Variants in EPHB2 observed in about 807,000 individuals in gnomAD.
The protein encoded by EPHB2 is EPH receptor B2.
A neutral mutation model predicts 96.4 loss-of-function variants in EPHB2; 18 were observed. The observed-to-expected ratio is 0.19, with a 90% confidence interval of 0.13 to 0.28. The LOEUF is 0.28. Ranked by LOEUF, EPHB2 falls within the 10% of genes least tolerant of loss-of-function variation. The pLI, the probability that EPHB2 is intolerant of heterozygous loss-of-function variation, is 1.00. For synonymous variants in EPHB2, 506 were observed against 534.1 expected (o/e 0.95, Z 0.72); for missense variants, 989 against 1,355.4 (o/e 0.73, Z 4.25).
rs541322987 is a variant in EPHB2, at chr1:22,711,495, C to T, written c.61+452C>T. On this transcript the variant is annotated intron_variant, in intron 1 of 15. Coordinates refer to ENST00000374630, the MANE Select transcript of EPHB2 (RefSeq NM_017449.5). Reference sequence around the variant, plus strand: ...AGGGAGCAGAGGGAGGGAGGCACCGCGGCCGGCCGGGGTGGGGGCTCCCGG... The same window carrying T: ...AGGGAGCAGAGGGAGGGAGGCACCGTGGCCGGCCGGGGTGGGGGCTCCCGG... Among the ~76,000 whole-genome samples, 326 of 150,986 alleles carry T rather than the reference C, an allele frequency of 2.2e-3. 2 individuals are homozygous for T. Among genetic ancestry groups the T allele is most frequent in the South Asian group, 0.011 (54 of 4,786 alleles).
At chr1:22,813,746 A>C (rs1165237951) in intron 3 of EPHB2, among the ~76,000 whole-genome samples, 1 of 152,216 alleles carries the variant, frequency 6.6e-6, no homozygotes, top group Non-Finnish European at 1.5e-5. Context: ...GGCTACAATG[A>C]GAGAAGTTAG....
At chr1:22,731,704 G>T (rs1441593194) in intron 1 of EPHB2, among the ~76,000 whole-genome samples, 1 of 152,166 alleles carries the variant, frequency 6.6e-6, no homozygotes, top group Non-Finnish European at 1.5e-5. Context: ...GCCAGGCGTG[G>T]TGGCGCGCAT....
intron 5 of EPHB2, among the ~76,000 whole-genome samples, chr1:22,873,205 G>A (rs1047564139): frequency 7.2e-5 from 11 of 152,230 alleles, no homozygotes; most frequent in African/African-American, 2.2e-4. Flanking sequence ...TGGTCTTGGC[G>A]AGGTGCATTC....
At chr1:22,762,682 T>C (rs1644251718) in intron 1 of EPHB2, among the ~76,000 whole-genome samples, 1 of 152,134 alleles carries the variant, frequency 6.6e-6, no homozygotes, top group Admixed American at 6.5e-5. Context: ...AGGGGATGTG[T>C]CAGAGGACAA....
At position 22,913,540 on chromosome 1, in the gene EPHB2, G is replaced by T. The variant is rs1640178210; in HGVS notation, c.2931G>T (p.Gln977His). Residue 977 changes from glutamine (Q) to histidine (H), a missense_variant, in exon 16 of 16, where the codon CAG (glutamine) becomes CAT (histidine). Coordinates refer to ENST00000374630, the MANE Select transcript of EPHB2 (RefSeq NM_017449.5). The surrounding 1 kb of genome is among the most constrained non-coding windows in gnomAD (Gnocchi z 4.1). ...ACAGTATCCAGGTGATGCGGGCGCAGATGAACCAGATTCAGTCTGTGGAGG... is the reference window on the plus strand; with the variant it reads ...ACAGTATCCAGGTGATGCGGGCGCATATGAACCAGATTCAGTCTGTGGAGG... ...ILNSIQVMRA[Q>H]MNQIQSVEV 1.2e-6 allele frequency: 2 copies of T among 1,614,104 alleles called. No homozygotes were observed. Among genetic ancestry groups the T allele is most frequent in the Non-Finnish European group, 8.5e-7 (1 of 1,180,044 alleles).
chr1:22,837,967 G>A (rs1204967676), intron 3 of EPHB2, among the ~76,000 whole-genome samples: 3 of 152,324 alleles, frequency 2.0e-5, no homozygotes, highest in East Asian at 3.9e-4. Flanking sequence ...TGGCCTCAAG[G>A]AATAGGGGAG....
At chr1:22,779,722 A>AT (rs1239031869) in intron 1 of EPHB2, among the ~76,000 whole-genome samples, 2 of 152,328 alleles carry the variant, frequency 1.3e-5, no homozygotes, top group East Asian at 1.9e-4. Context: ...GCCCCTTCCC[A>AT]TCCCTGTGCT....
intron 6 of EPHB2, chr1:22,891,192 G>A: frequency 4.4e-6 from 2 of 456,058 alleles, no homozygotes; most frequent in Non-Finnish European, 8.8e-6. Context: ...ACTAGAGCCA[G>A]GATTTGAACC....
At chr1:22,767,465 C>T (rs754836626) in intron 1 of EPHB2, among the ~76,000 whole-genome samples, 2 of 152,240 alleles carry the variant, frequency 1.3e-5, no homozygotes, top group Non-Finnish European at 2.9e-5. Flanking sequence ...TACTTGTTCT[C>T]TCTGTGCCTT....
At chr1:22,775,203 T>A (rs1284037001) in intron 1 of EPHB2, 1 of 779,818 alleles carries the variant, frequency 1.3e-6, no homozygotes, top group African/African-American at 1.7e-5. Context: ...AATAGATGGA[T>A]GTGGGTTCCA....
At chr1:22,912,237 C>T (rs962491032) in intron 14 of EPHB2, among the ~76,000 whole-genome samples, 2 of 152,218 alleles carry the variant, frequency 1.3e-5, no homozygotes, top group African/African-American at 4.8e-5. Flanking sequence ...CTCTCGCATG[C>T]TCACATATAT....
intron 1 of EPHB2, among the ~76,000 whole-genome samples, chr1:22,727,691 T>C (rs1643611426): frequency 6.6e-6 from 1 of 151,756 alleles, no homozygotes; most frequent in South Asian, 2.1e-4. Context: ...GGAGATAAGT[T>C]GGTGTCTCCC....
chr1:22,782,615 C>T (rs955768146), intron 2 of EPHB2, among the ~76,000 whole-genome samples: 5 of 152,112 alleles, frequency 3.3e-5, no homozygotes, highest in Non-Finnish European at 1.5e-5. Context: ...TGCAGGGCCC[C>T]CGGACGCAAT....
At chr1:22,863,578 G>T (rs554855692) in intron 4 of EPHB2, among the ~76,000 whole-genome samples, 1 of 152,236 alleles carries the variant, frequency 6.6e-6, no homozygotes, top group Non-Finnish European at 1.5e-5. Flanking sequence ...CTCTAGGAAG[G>T]CACTGCCTGA....
intron 1 of EPHB2, among the ~76,000 whole-genome samples, chr1:22,732,371 T>G (rs1455722129): frequency 6.6e-6 from 1 of 150,912 alleles, no homozygotes; most frequent in Non-Finnish European, 1.5e-5. Context: ...GCAGCAGGGT[T>G]TGGGGAAGCG....
chr1:22,844,479 G>A (rs987125671), intron 3 of EPHB2, among the ~76,000 whole-genome samples: 5 of 152,230 alleles, frequency 3.3e-5, no homozygotes, highest in Non-Finnish European at 5.9e-5. Context: ...AGTGAGAGGG[G>A]TCTTAGGGGT....
At chr1:22,901,804 C>CGTGTGT (rs1162286889) in intron 9 of EPHB2, among the ~76,000 whole-genome samples, 3 of 109,270 alleles carry the variant, frequency 2.7e-5, no homozygotes, top group South Asian at 2.9e-4. Flanking sequence ...CATTTAACTT[C>CGTGTGT]GTGTGTGTGT....
chr1:22,911,902 G>A (rs958255824), intron 14 of EPHB2, among the ~76,000 whole-genome samples: 1 of 152,130 alleles, frequency 6.6e-6, no homozygotes, highest in African/African-American at 2.4e-5. Flanking sequence ...CCTCATGAGA[G>A]CCATTTCACT....
intron 3 of EPHB2, among the ~76,000 whole-genome samples, chr1:22,862,577 C>T (rs1472144614): frequency 2.0e-5 from 3 of 152,148 alleles, no homozygotes; most frequent in Non-Finnish European, 2.9e-5. Flanking sequence ...TCTATTCTAC[C>T]ACATCACCTC....
Sources: gnomAD v4.1 joint callset for allele counts (sites outside exome capture counted in the v4.1 genomes callset) on GRCh38, gnomAD v4.1.1 for gene constraint, Gnocchi (gnomAD v3.1) non-coding constraint, MANE v1.5 for transcripts, NCBI Gene and HGNC (gene_info 2026-07-23, HGNC 2026-07-21) for gene names.